ANKS1B: variants seen among roughly 807,000 people sequenced by gnomAD.
ANKS1B encodes the protein ankyrin repeat and sterile alpha motif domain containing 1B.
ANKS1B carries 36 observed loss-of-function variants against 148.3 expected under a neutral mutation model. That is an observed-to-expected ratio of 0.24 (90% CI 0.19 to 0.32). The LOEUF is 0.32. ANKS1B is among the 10% of genes least tolerant of loss of function. ANKS1B has a pLI of 1.00. For synonymous variants in ANKS1B, 542 were observed against 560.8 expected, an observed-to-expected ratio of 0.97 and a Z score of 0.47; for missense variants, 1,157 against 1,542.6, an observed-to-expected ratio of 0.75 and a Z score of 4.19.
At chr12:98,882,117 A>G (rs2099709525) in intron 17 of ANKS1B, among the ~76,000 whole-genome samples, 1 of 152,168 alleles carries the variant, frequency 6.6e-6, no homozygotes, top group South Asian at 2.1e-4. Flanking sequence ...TGCTGATTAC[A>G]TAACATTGGT....
Position 99,688,792 on chromosome 12 carries a change from G to T in ANKS1B, c.1129-33582C>A, listed in dbSNP as rs919115222. On this transcript the variant is annotated intron_variant, in intron 8 of 26. Coordinates refer to ENST00000683438, the MANE Select transcript of ANKS1B (RefSeq NM_001352186.2). Reference sequence around the variant, plus strand: ...GGAGTCCAAGGCTGCAGTGAGCTATGATTGCACCATCACAATCCAGCCTGG... The same window carrying T: ...GGAGTCCAAGGCTGCAGTGAGCTATTATTGCACCATCACAATCCAGCCTGG... Among the ~76,000 whole-genome samples, 8 of 151,812 alleles carry T rather than the reference G, an allele frequency of 5.3e-5. 1 individual carries two copies. Among genetic ancestry groups the T allele is most frequent in the Admixed American group, 5.2e-4 (8 of 15,242 alleles).
intron 9 of ANKS1B, among the ~76,000 whole-genome samples, chr12:99,637,803 A>AAT (rs1006894169): frequency 1.0e-4 from 15 of 147,212 alleles, no homozygotes; most frequent in African/African-American, 1.7e-4. Context: ...ATATATATAT[A>AAT]ATATATATAT....
At chr12:98,888,008 T>C (rs2099743991) in intron 17 of ANKS1B, among the ~76,000 whole-genome samples, 1 of 152,246 alleles carries the variant, frequency 6.6e-6, no homozygotes, top group Non-Finnish European at 1.5e-5. Context: ...TCAATCCCTT[T>C]GCACATATTT....
intron 9 of ANKS1B, among the ~76,000 whole-genome samples, chr12:98,736,433 C>T (rs557350213): frequency 4.6e-5 from 7 of 152,216 alleles, no homozygotes; most frequent in East Asian, 1.9e-4. Context: ...AGAGAGTTGC[C>T]GTCAGCTGAG....
At chr12:99,257,041 G>A (rs774579796) in intron 12 of ANKS1B, among the ~76,000 whole-genome samples, 63 of 152,032 alleles carry the variant, frequency 4.1e-4, no homozygotes, top group Non-Finnish European at 8.8e-5. Flanking sequence ...TCAGGAGATC[G>A]AGACCATCCT....
At chr12:99,684,058 G>A (rs527412812) in intron 8 of ANKS1B, among the ~76,000 whole-genome samples, 2 of 152,068 alleles carry the variant, frequency 1.3e-5, no homozygotes, top group African/African-American at 4.8e-5. Flanking sequence ...ATAACACAAG[G>A]ATGCCCACTC....
At chr12:99,195,862 TGA>T (rs2081322530) in intron 14 of ANKS1B, among the ~76,000 whole-genome samples, 1 of 152,076 alleles carries the variant, frequency 6.6e-6, no homozygotes, top group South Asian at 2.1e-4. Flanking sequence ...GAGCATTTAT[TGA>T]GAGGTGCAAA....
intron 17 of ANKS1B, among the ~76,000 whole-genome samples, chr12:99,051,470 C>T (rs939743966): frequency 6.6e-6 from 1 of 152,140 alleles, no homozygotes; most frequent in Non-Finnish European, 1.5e-5. Context: ...TGGGATGCAA[C>T]TTAAGTTGGA....
chr12:98,973,325 A>T (rs115412726), intron 17 of ANKS1B, among the ~76,000 whole-genome samples: 1,803 of 152,316 alleles, frequency 0.012, 39 homozygotes, highest in African/African-American at 0.041. Flanking sequence ...TGATACAAGC[A>T]GTATAGAATA....
At chr12:98,963,920 A>G (rs1597669371) in intron 17 of ANKS1B, among the ~76,000 whole-genome samples, 1 of 152,010 alleles carries the variant, frequency 6.6e-6, no homozygotes, top group Admixed American at 6.6e-5. Context: ...ACCAACATGG[A>G]GAAACCCTGT....
At chr12:98,815,933 T>A (rs985781671) in intron 19 of ANKS1B, among the ~76,000 whole-genome samples, 18 of 152,154 alleles carry the variant, frequency 1.2e-4, no homozygotes, top group African/African-American at 4.3e-4. Flanking sequence ...GCCAGGTCAT[T>A]CCACTCAGCT....
intron 17 of ANKS1B, among the ~76,000 whole-genome samples, chr12:99,030,679 T>TA (rs931219429): frequency 1.3e-5 from 2 of 152,214 alleles, no homozygotes; most frequent in African/African-American, 4.8e-5. Context: ...AACTGTACTA[T>TA]AACTGTTAAC....
intron 4 of ANKS1B, among the ~76,000 whole-genome samples, chr12:99,787,223 G>A (rs1312784192): frequency 6.6e-6 from 1 of 152,078 alleles, no homozygotes; most frequent in East Asian, 1.9e-4. Context: ...GACCGGCTGG[G>A]AGGTAATTTA....
intron 17 of ANKS1B, among the ~76,000 whole-genome samples, chr12:99,044,189 T>C (rs1400525945): frequency 1.3e-5 from 2 of 152,178 alleles, no homozygotes; most frequent in Non-Finnish European, 2.9e-5. Flanking sequence ...TACCATACTT[T>C]AACAGAAATA....
intron 15 of ANKS1B, among the ~76,000 whole-genome samples, chr12:99,103,090 G>C (rs2058364806): frequency 6.6e-6 from 1 of 152,100 alleles, no homozygotes; most frequent in Admixed American, 6.6e-5. Flanking sequence ...GAGGTAGGAG[G>C]GGTAGGCCTG....
At chr12:99,983,399 C>A (rs906288525) in intron 1 of ANKS1B, among the ~76,000 whole-genome samples, 1 of 152,222 alleles carries the variant, frequency 6.6e-6, no homozygotes, top group East Asian at 1.9e-4. Context: ...CCAGTCTCAC[C>A]TACGACATCT....
At chr12:99,542,327 T>C (rs10860461) in intron 9 of ANKS1B, among the ~76,000 whole-genome samples, 54,499 of 151,688 alleles carry the variant, frequency 0.36, 10,007 homozygotes, top group Admixed American at 0.4. Flanking sequence ...ATAAAATAAA[T>C]TACTTAGACA....
In ANKS1B at chr12:98,828,468, T is replaced by C. The variant is rs1296924269; in HGVS notation, c.3066+706A>G. Among the ~76,000 whole-genome samples the C allele has an allele frequency of 3.3e-5, 5 of 152,224 alleles. 1 individual carries two copies. The highest frequency in any genetic ancestry group is 7.3e-5 in the Non-Finnish European group (5 of 68,032). ...TGAAAAGAGTTGATTCTGCCAATGG[T>C]TGACAACAAATCCATATTTTTGAAT... On this transcript the variant is annotated intron_variant, in intron 19 of 26. Coordinates refer to ENST00000683438, the MANE Select transcript of ANKS1B (RefSeq NM_001352186.2).
At chr12:99,783,254 C>T (rs1422122007) in intron 4 of ANKS1B, among the ~76,000 whole-genome samples, 2 of 151,472 alleles carry the variant, frequency 1.3e-5, no homozygotes, top group African/African-American at 2.4e-5. Context: ...AACCTACCAC[C>T]AAACATCATA....
Sources: allele counts gnomAD v4.1 joint callset (sites outside exome capture counted in the v4.1 genomes callset), GRCh38; gene constraint gnomAD v4.1.1; transcripts MANE v1.5; gene names NCBI Gene and HGNC (gene_info 2026-07-23, HGNC 2026-07-21).